The following ARAP3 variants were observed in gnomAD, a reference collection of about 807,000 sequenced individuals.
ARAP3 encodes the protein ArfGAP with RhoGAP domain, ankyrin repeat and PH domain 3.
In ARAP3, 82 loss-of-function variants were observed where a neutral mutation model predicts 169.2. The observed-to-expected ratio is 0.48, with a 90% CI of 0.41 to 0.58. The LOEUF is 0.58. ARAP3 is among the 20% of genes least tolerant of loss of function. ARAP3 has a pLI of 0.00. For synonymous variants in ARAP3, 791 were observed against 800.3 expected (o/e 0.99, Z 0.20); for missense variants, 1,764 against 2,018.0 (o/e 0.87, Z 2.41).
intron 16 of ARAP3, 21 bp from the exon 17 acceptor site, chr5:141,666,664 C>A (rs1448219849): frequency 4.7e-6 from 6 of 1,288,738 alleles, no homozygotes; most frequent in Middle Eastern, 2.8e-4. Context: ...AGGGGGAGGA[C>A]AGGAGAAAGG....
At position 141,654,253 on chromosome 5, in the gene ARAP3, T is replaced by A. The variant is rs750691853; in HGVS notation, c.4332A>T (p.Ser1444=). 2 of 1,614,148 alleles carry A rather than the reference T, an allele frequency of 1.2e-6. No individual in the cohort carries two copies. Among genetic ancestry groups the A allele is most frequent in the Non-Finnish European group, 1.7e-6 (2 of 1,180,020 alleles). Reference sequence around the variant, plus strand: ...ACTTGGAGAGAAAGGGTTGATCCAATGACTTCTGGCTGGTGAGGGGGTTCT... The same window carrying A: ...ACTTGGAGAGAAAGGGTTGATCCAAAGACTTCTGGCTGGTGAGGGGGTTCT... ...KPENPLTSQK[S]LDQPFLSKSS... Residue 1444 remains serine, a synonymous_variant, in exon 33 of 33, where the codon TCA becomes TCT. Transcript: ENST00000239440.
chr5:141,655,300 T>C (rs2099909130), intron 32 of ARAP3, 62 bp downstream of exon 32: 2 of 1,539,144 alleles, frequency 1.3e-6, no homozygotes, highest in Admixed American at 4.0e-5. Flanking sequence ...CACCCGGGGC[T>C]CAGGCAGCAC....
chr5:141,673,577 C>T (rs2099911738), intron 5 of ARAP3, 28 bp downstream of exon 5: 1 of 1,612,320 alleles, frequency 6.2e-7, no homozygotes, highest in South Asian at 1.1e-5. Context: ...CCTCTCTTTT[C>T]TCCCTCCCTT....
intron 17 of ARAP3, 82 bp downstream of exon 17, chr5:141,666,342 G>T: frequency 7.8e-7 from 1 of 1,276,640 alleles, no homozygotes; most frequent in East Asian, 2.9e-5. Flanking sequence ...TTTCCCATAA[G>T]AACCCCCAAA....
Position 141,669,914 on chromosome 5 carries a change from G to C in ARAP3, c.2249+8C>G, listed in dbSNP as rs1325103739. ...GGGGAAGCTCAGTGGTCACAGAAGGGCTATTACCTGTCACCTGGGTCAGTG... is the reference window on the plus strand; with the variant it reads ...GGGGAAGCTCAGTGGTCACAGAAGGCCTATTACCTGTCACCTGGGTCAGTG... On this transcript the variant is annotated splice_region_variant and intron_variant, in intron 15 of 32. Transcript: ENST00000239440. 4 of 1,604,770 alleles carry C rather than the reference G, an allele frequency of 2.5e-6. No individual in the cohort carries two copies. The highest frequency in any genetic ancestry group is 1.7e-5 in the Admixed American group (1 of 58,282).
At chr5:141,680,980 G>GA (rs2099912884) in intron 1 of ARAP3, 1 of 157,126 alleles carries the variant, frequency 6.4e-6, no homozygotes, top group African/African-American at 2.4e-5. Flanking sequence ...AGGAGGTGCA[G>GA]ACGCCCCCTC....
At chr5:141,679,851 A>G (rs1186066858) in intron 2 of ARAP3, 29 bp from the exon 3 acceptor site, 2 of 1,610,186 alleles carry the variant, frequency 1.2e-6, no homozygotes, top group Admixed American at 3.4e-5. Flanking sequence ...TGGTTACTTA[A>G]GGAGAGAGGA....
intron 13 of ARAP3, 26 bp from the exon 14 acceptor site, chr5:141,670,654 G>C (rs142260593): frequency 6.3e-7 from 1 of 1,599,794 alleles, no homozygotes; most frequent in Non-Finnish European, 8.6e-7. Flanking sequence ...GAAGTAGTCA[G>C]GTCAACCAAG....
chr5:141,661,849 C>A, intron 20 of ARAP3, 60 bp from the exon 21 acceptor site: 1 of 1,577,266 alleles, frequency 6.3e-7, no homozygotes. Flanking sequence ...GCAGCTGGTA[C>A]AGAGGGAGGG....
At position 141,680,105 on chromosome 5, in the gene ARAP3, T is replaced by C; in HGVS notation, c.382A>G (p.Ser128Gly). ...PALGGPGVSR[S>G]PEPSPRPPPL... Reference sequence around the variant, plus strand: ...GGAGGCCTTGGGCTGGGCTCTGGGCTCCTGGACACTCCTGGTCCCCCGAGG... The same window carrying C: ...GGAGGCCTTGGGCTGGGCTCTGGGCCCCTGGACACTCCTGGTCCCCCGAGG... The change falls in exon 2 of 33, where the codon AGC becomes GGC. Residue 128 changes from serine (S) to glycine (G), a missense_variant. Transcript: ENST00000239440. The C allele has an allele frequency of 6.2e-7, 1 of 1,612,926 alleles. No homozygotes were observed. The highest frequency in any genetic ancestry group is 8.5e-7 in the Non-Finnish European group (1 of 1,179,346).
rs1201330887 is a variant in ARAP3, at chr5:141,672,305, AG to A, written c.1386-5del. On this transcript the variant is annotated splice_polypyrimidine_tract_variant and splice_region_variant and intron_variant, in intron 9 of 32. Coordinates refer to ENST00000239440, the MANE Select transcript of ARAP3 (RefSeq NM_022481.6). The surrounding 1 kb of genome is among the most constrained non-coding windows in gnomAD (Gnocchi z 4.9). ...ACCCCCAGACTCGGCTGTGAAGCTG[AG>A]GGGTGGACAGCCAGTCCATGGGCAT... 1 of 1,613,920 alleles carries A rather than the reference AG, an allele frequency of 6.2e-7. No homozygotes were observed.
At position 141,654,454 on chromosome 5, in the gene ARAP3, G is replaced by C. The variant is rs779110976; in HGVS notation, c.4150-19C>G. 1.3e-6 allele frequency: 2 copies of C among 1,540,088 alleles called. No individual in the cohort carries two copies. The highest frequency in any genetic ancestry group is 2.0e-5 in the Admixed American group (1 of 50,458). On this transcript the variant is annotated intron_variant, in intron 32 of 32. Transcript: ENST00000239440. ...TCATTGGCTGGATGGGAATGGAATG[G>C]CAGGAGTGGGCACATAGTTAAAGTT...
rs147360290 is a variant in ARAP3, at chr5:141,658,310, C to T, written c.3526+55G>A. On this transcript the variant is annotated intron_variant, in intron 25 of 32. Transcript: ENST00000239440. ...GAAGTCACTGATGACCTTGACCACA[C>T]AACCACACACACGCATATACACATG... is the stretch of plus-strand genomic sequence containing the variant. 251 of 1,573,456 alleles carry T rather than the reference C, an allele frequency of 1.6e-4. 3 individuals are homozygous for T. The East Asian group carries it at 5.1e-3, about 32-fold the overall frequency.
At position 141,656,617 on chromosome 5, in the gene ARAP3, G is replaced by A. The variant is rs1247569476; in HGVS notation, c.3676C>T (p.Arg1226Trp). The change falls in exon 27 of 33, where the codon CGG becomes TGG. Residue 1226 changes from arginine (R) to tryptophan (W), a missense_variant. By Grantham distance (101) the Arg-to-Trp change is moderately radical. Coordinates refer to ENST00000239440, the MANE Select transcript of ARAP3 (RefSeq NM_022481.6). ...LFTGIRRESP[R>W]VGLLRCREEP... ...TCACGACACCGCAACAGCCCCACCC[G>A]TGGGCTCTCACGTCGGATACCTGGG... The A allele has an allele frequency of 6.2e-6, 10 of 1,613,288 alleles. No homozygotes were observed. Among genetic ancestry groups the A allele is most frequent in the South Asian group, 1.1e-5 (1 of 90,922 alleles).
rs983783472 is a variant in ARAP3 at position 141,658,722 on chromosome 5, C to T, written c.3337-69G>A. ...CAAAAGACATCAAAGTCAGAGGGTT[C>T]CTCGTGTTGCCTCATAAGTGACTCT... is the stretch of plus-strand genomic sequence containing the variant. On this transcript the variant is annotated intron_variant, in intron 23 of 32. Coordinates refer to ENST00000239440, the MANE Select transcript of ARAP3 (RefSeq NM_022481.6). 7.3e-5 allele frequency: 97 copies of T among 1,332,462 alleles called. 1 individual carries two copies. The highest frequency in any genetic ancestry group is 3.4e-5 in the Non-Finnish European group (34 of 987,740). The allele number at this position is 1,332,462 out of a possible 1,614,324, so 82.5% of individuals were successfully genotyped here. A position where few individuals can be genotyped will look rare whatever the true frequency, so the allele number is the denominator to read the frequency against.
At position 141,680,760 on chromosome 5, in the gene ARAP3, GT is replaced by G. The variant is rs1186025063; in HGVS notation, c.-17-258del. 11 of 539,320 alleles carry G rather than the reference GT, an allele frequency of 2.0e-5. No homozygotes were observed. In the African/African-American group the frequency reaches 2.1e-4, roughly 10 times the overall value. 33.4% of individuals were successfully genotyped at this position (539,320 alleles called of 1,614,324 possible). On this transcript the variant is annotated intron_variant, in intron 1 of 32. Coordinates refer to ENST00000239440, the MANE Select transcript of ARAP3 (RefSeq NM_022481.6). ...CTTGCCCCAGGTTCACAGTAAGTCA[GT>G]GCTAGAGTTGGCCCCTCAGTTCCTG...
chr5:141,658,529 CT>C (rs751299630), intron 24 of ARAP3, 49 bp downstream of exon 24: 4 of 1,613,920 alleles, frequency 2.5e-6, no homozygotes, highest in Non-Finnish European at 3.4e-6. Context: ...GCTATTGCCC[CT>C]GGAACCTCAC....
chr5:141,664,883 C>A (rs1356868276), intron 19 of ARAP3, 39 bp downstream of exon 19: 1 of 462,096 alleles, frequency 2.2e-6, no homozygotes, highest in Non-Finnish European at 4.1e-6. Context: ...CCCCCACCCC[C>A]CACCCCCATT....
At chr5:141,658,940 C>T (rs1472303822) in intron 23 of ARAP3, among the ~76,000 whole-genome samples, 6 of 152,206 alleles carry the variant, frequency 3.9e-5, no homozygotes, top group South Asian at 2.1e-4. Context: ...ATAAATGACC[C>T]GCTGAACCCG....
Sources: gnomAD v4.1 joint callset for allele counts (sites outside exome capture counted in the v4.1 genomes callset) on GRCh38, gnomAD v4.1.1 for gene constraint, Gnocchi (gnomAD v3.1) non-coding constraint, MANE v1.5 for transcripts, NCBI Gene and HGNC (gene_info 2026-07-23, HGNC 2026-07-21) for gene names.